RGS22: variants seen among roughly 807,000 people sequenced by gnomAD.
RGS22 encodes regulator of G protein signaling 22, also known as regulator of G-protein signaling 22.
A neutral mutation model predicts 172.9 loss-of-function variants in RGS22; 148 were observed. The ratio of observed to expected loss-of-function variants is 0.86; its 90% CI spans 0.75 to 0.98. The LOEUF (loss-of-function observed/expected upper bound fraction) is 0.98, where lower values mean the gene tolerates loss of function less well. RGS22 is among the 50% of genes least tolerant of loss of function. The pLI, the probability that RGS22 is intolerant of heterozygous loss-of-function variation, is 0.00. For synonymous variants in RGS22, 458 were observed against 480.2 expected, an observed-to-expected ratio of 0.95 and a Z score of 0.60; for missense variants, 1,347 against 1,440.8, an observed-to-expected ratio of 0.93 and a Z score of 1.05.
At chr8:99,993,457 C>T (rs1161595501) in intron 20 of RGS22, among the ~76,000 whole-genome samples, 1 of 152,028 alleles carries the variant, frequency 6.6e-6, no homozygotes. Context: ...CACAGAAATA[C>T]AAACCACCAT....
chr8:100,101,202 AAG>A (rs1426524248), intron 2 of RGS22, among the ~76,000 whole-genome samples: 1 of 152,170 alleles, frequency 6.6e-6, no homozygotes, highest in African/African-American at 2.4e-5. Context: ...AAAAAAATTT[AAG>A]AGTCATTCTC....
At chr8:100,073,951 A>T (rs1230750793) in intron 4 of RGS22, among the ~76,000 whole-genome samples, 2 of 152,246 alleles carry the variant, frequency 1.3e-5, no homozygotes, top group Non-Finnish European at 2.9e-5. Flanking sequence ...AAGTAACTAA[A>T]TACAAAGACC....
rs1367243503 is a variant in RGS22 at position 100,051,517 on chromosome 8, AT to A, written c.1689+1284del. On this transcript the variant is annotated intron_variant, in intron 10 of 27. Coordinates refer to ENST00000360863, the MANE Select transcript of RGS22 (RefSeq NM_015668.5). ...ATATATAATAAATATATATAAATAT[AT>A]TTTTATATATTTATACATATATATT... 6.8e-4 allele frequency among the ~76,000 whole-genome samples: 68 copies of A among 99,678 alleles called. 16 individuals are homozygous for A. The highest frequency in any genetic ancestry group is 2.3e-3 in the African/African-American group (55 of 24,350). The allele number at this position is 99,678 out of a possible 152,430, so 65.4% of individuals were successfully genotyped here.
chr8:100,017,481 C>A (rs1419741445), intron 14 of RGS22, among the ~76,000 whole-genome samples: 3 of 152,080 alleles, frequency 2.0e-5, no homozygotes, highest in African/African-American at 7.2e-5. Context: ...GTTTGTCAAT[C>A]CTTTATTAGC....
At chr8:100,006,229 GA>G in intron 15 of RGS22, 120 bp from the exon 16 acceptor site, 1 of 750,612 alleles carries the variant, frequency 1.3e-6, no homozygotes, top group Non-Finnish European at 2.1e-6. Flanking sequence ...AAAGCAGGAA[GA>G]TAACATAGTT....
At chr8:100,022,618 G>A (rs956974272) in intron 14 of RGS22, among the ~76,000 whole-genome samples, 3 of 151,812 alleles carry the variant, frequency 2.0e-5, no homozygotes, top group Non-Finnish European at 4.4e-5. Context: ...TTTTGGATTT[G>A]TTTTTTAAAA....
intron 14 of RGS22, among the ~76,000 whole-genome samples, chr8:100,025,341 C>T (rs1818066647): frequency 6.6e-6 from 1 of 152,144 alleles, no homozygotes; most frequent in Non-Finnish European, 1.5e-5. Flanking sequence ...GTAACAAAGC[C>T]TGAATAGTAA....
intron 2 of RGS22, among the ~76,000 whole-genome samples, chr8:100,102,290 G>A (rs1393397470): frequency 6.6e-6 from 1 of 152,158 alleles, no homozygotes; most frequent in Non-Finnish European, 1.5e-5. Flanking sequence ...GCCAGAATTT[G>A]GTTCTGTGAC....
chr8:100,074,893 G>A (rs188214648), intron 4 of RGS22, among the ~76,000 whole-genome samples: 8 of 151,986 alleles, frequency 5.3e-5, no homozygotes, highest in African/African-American at 1.4e-4. Context: ...TCAGCCTGCC[G>A]AGTAGCTGGG....
chr8:100,028,165 A>G (rs1818382367), intron 14 of RGS22, among the ~76,000 whole-genome samples: 1 of 152,084 alleles, frequency 6.6e-6, no homozygotes, highest in African/African-American at 2.4e-5. Context: ...TGGTTTATCC[A>G]TGACAGTCCC....
At chr8:99,982,248 A>C (rs1812630647) in intron 21 of RGS22, 132 bp from the exon 22 acceptor site, 1 of 664,110 alleles carries the variant, frequency 1.5e-6, no homozygotes, top group Non-Finnish European at 2.3e-6. Flanking sequence ...GGATATTTCA[A>C]GGCTGTCTTT....
At position 99,961,154 on chromosome 8, in the gene RGS22, C is replaced by T. The variant is rs950413392; in HGVS notation, c.*88G>A. 7 of 451,084 alleles carry T rather than the reference C, an allele frequency of 1.6e-5. No individual in the cohort carries two copies. The highest frequency in any genetic ancestry group is 6.0e-5 in the African/African-American group (3 of 49,830). The allele number at this position is 451,084 out of a possible 1,614,324, so 27.9% of individuals were successfully genotyped here. ...GATACAGACCTTCAAAAAAACAAATCACTGGAGCTTCTCATGTCAGCAGAA... is the reference window on the plus strand; with the variant it reads ...GATACAGACCTTCAAAAAAACAAATTACTGGAGCTTCTCATGTCAGCAGAA... On this transcript the variant is annotated 3_prime_UTR_variant, in exon 28 of 28. Transcript: ENST00000360863.
chr8:100,082,300 G>T (rs1811823883), intron 3 of RGS22, among the ~76,000 whole-genome samples: 1 of 152,020 alleles, frequency 6.6e-6, no homozygotes, highest in South Asian at 2.1e-4. Flanking sequence ...GCAGGGGTTT[G>T]GCATACAGAT....
At chr8:100,020,160 A>G (rs1817455975) in intron 14 of RGS22, among the ~76,000 whole-genome samples, 1 of 152,162 alleles carries the variant, frequency 6.6e-6, no homozygotes, top group Non-Finnish European at 1.5e-5. Context: ...CTGGGATTAC[A>G]GGTGTGAGCC....
chr8:100,040,840 C>T (rs1820020515), intron 12 of RGS22, among the ~76,000 whole-genome samples: 2 of 152,098 alleles, frequency 1.3e-5, no homozygotes, highest in Non-Finnish European at 2.9e-5. Flanking sequence ...GTAAGGTTCT[C>T]ACTCTCTTTT....
At chr8:100,043,389 G>A (rs1820352426) in intron 11 of RGS22, among the ~76,000 whole-genome samples, 1 of 152,072 alleles carries the variant, frequency 6.6e-6, no homozygotes, top group Non-Finnish European at 1.5e-5. Context: ...CATTTCCTCT[G>A]GATTCTATTC....
At chr8:100,105,723 G>C (rs1813883426) in intron 1 of RGS22, 174 bp downstream of exon 1, 1 of 577,218 alleles carries the variant, frequency 1.7e-6, no homozygotes, top group Non-Finnish European at 3.0e-6. Context: ...GCATAAACCG[G>C]CGAGGACGTG....
intron 7 of RGS22, 72 bp from the exon 8 acceptor site, chr8:100,064,115 T>C (rs1355464298): frequency 1.7e-6 from 2 of 1,175,708 alleles, no homozygotes; most frequent in African/African-American, 1.6e-5. Context: ...ATAGATGCTA[T>C]AGAGCCAGAA....
At chr8:100,092,569 C>T (rs1281554748) in intron 3 of RGS22, among the ~76,000 whole-genome samples, 1 of 152,074 alleles carries the variant, frequency 6.6e-6, no homozygotes, top group South Asian at 2.1e-4. Flanking sequence ...GAGGTCAGCG[C>T]CCCTCTTTCT....
Sources: gnomAD v4.1 joint callset for allele counts (sites outside exome capture counted in the v4.1 genomes callset) on GRCh38, gnomAD v4.1.1 for gene constraint, MANE v1.5 for transcripts, NCBI Gene and HGNC (gene_info 2026-07-23, HGNC 2026-07-21) for gene names.